MRI1: variants seen among roughly 807,000 people sequenced by gnomAD.
MRI1 encodes the protein methylthioribose-1-phosphate isomerase 1.
In MRI1, 32 loss-of-function variants were observed where a neutral mutation model predicts 27.3. The ratio of observed to expected loss-of-function variants is 1.17; its 90% confidence interval spans 0.88 to 1.57. The LOEUF is 1.57. MRI1 is among the 40% of genes most tolerant of loss of function. MRI1 has a pLI of 0.00. For missense variants in MRI1, 508 were observed against 516.1 expected (o/e 0.98, Z 0.15); for synonymous variants, 216 against 227.4 (o/e 0.95, Z 0.45).
In MRI1 at chr19:13,764,579, CT is replaced by C. The variant is rs753681245; in HGVS notation, c.-9del. ...TCCCTCTGAGTTGCGCTGGGCTTGG[CT>C]GCTGCACCATGACCCTGGAGGCGAT... On this transcript the variant is annotated 5_prime_UTR_variant, in exon 1 of 6. Transcript: ENST00000040663. 5.6e-6 allele frequency: 9 copies of C among 1,606,660 alleles called. No individual in the cohort carries two copies. Among genetic ancestry groups the C allele is most frequent in the Non-Finnish European group, 7.6e-6 (9 of 1,177,878 alleles).
At position 13,766,123 on chromosome 19, in the gene MRI1, G is replaced by A; in HGVS notation, c.541G>A (p.Ala181Thr). 6.4e-7 allele frequency: 1 copy of A among 1,552,188 alleles called. No individual in the cohort carries two copies. Among genetic ancestry groups the A allele is most frequent in the Non-Finnish European group, 8.7e-7 (1 of 1,146,294 alleles). ...TCTGGCCACCGCTGGCTATGGTACA[G>A]CCCTAGGTGAGAGGGCCTCCTCAGG... ...GALATAGYGT[A>T]LGVIRSLHSL... Residue 181 changes from alanine (A) to threonine (T), a missense_variant, in exon 3 of 6, where the codon GCC (alanine) becomes ACC (threonine). Transcript: ENST00000040663.
intron 5 of MRI1, among the ~76,000 whole-genome samples, chr19:13,770,798 G>T (rs891273999): frequency 9.2e-5 from 14 of 152,084 alleles, no homozygotes; most frequent in African/African-American, 3.1e-4. Flanking sequence ...CAGGAGAATT[G>T]CTTGAACCCG....
chr19:13,769,020 T>C lies in MRI1; in HGVS notation c.921T>C (p.Asp307=). ...IEERPGQELT[D]VNGVRIAAPG... is the part of the protein sequence containing the mutation. ...AGCGACCGGGCCAGGAGCTGACCGA[T>C]GTTAATGGGGTCCGGATTGCAGCAC... is the stretch of plus-strand genomic sequence containing the variant. Residue 307 remains aspartate (D), a synonymous_variant, in exon 5 of 6, where the codon GAT becomes GAC. Transcript: ENST00000040663. 1.9e-6 allele frequency: 3 copies of C among 1,613,146 alleles called. No individual in the cohort carries two copies. Among genetic ancestry groups the C allele is most frequent in the Non-Finnish European group, 2.5e-6 (3 of 1,179,566 alleles).
Position 13,772,242 on chromosome 19 carries a change from C to G in MRI1, c.1071C>G (p.Ile357Met). The change falls in exon 6 of 6, where the codon ATC (isoleucine) becomes ATG (methionine). Residue 357 changes from isoleucine to methionine, a missense_variant. Transcript: ENST00000040663. ...TCCGGACAGCCCTAACCACCACCAT[C>G]TCTTCCAGGGATGGAACCCTAGATG... is the stretch of plus-strand genomic sequence containing the variant. Reference protein sequence around the residue: ...EELRTALTTTISSRDGTLDGP... With the variant: ...EELRTALTTTMSSRDGTLDGP... 1 of 1,614,094 alleles carries G rather than the reference C, an allele frequency of 6.2e-7. No individual in the cohort carries two copies. The highest frequency in any genetic ancestry group is 8.5e-7 in the Non-Finnish European group (1 of 1,180,002).
chr19:13,765,756 C>G (rs981170704), intron 2 of MRI1, among the ~76,000 whole-genome samples, 198 bp from the exon 3 acceptor site: 1 of 152,220 alleles, frequency 6.6e-6, no homozygotes, highest in Non-Finnish European at 1.5e-5. Flanking sequence ...TGGGTCATAC[C>G]GGAACTGCTT....
rs1465848317 is a variant in MRI1 at position 13,773,465 on chromosome 19, A to C, written c.*1184A>C. The stretch of plus-strand genomic sequence containing the variant: ...AACATAGGAAGAGCTTGTCTCTACA[A>C]ACAAAAATTTAAAAACAATGAGCTG... On this transcript the variant is annotated 3_prime_UTR_variant, in exon 6 of 6. Transcript: ENST00000040663. 6.6e-6 allele frequency: 1 copy of C among 152,082 alleles called. No homozygotes were observed. The highest frequency in any genetic ancestry group is 2.4e-5 in the African/African-American group (1 of 41,422). The allele number at this position is 152,082 out of a possible 1,614,324, so 9.4% of individuals were successfully genotyped here.
At chr19:13,771,076 T>G (rs1165943023) in intron 5 of MRI1, among the ~76,000 whole-genome samples, 4 of 150,350 alleles carry the variant, frequency 2.7e-5, no homozygotes, top group African/African-American at 9.8e-5. Flanking sequence ...AAAATTGTTT[T>G]GCCAGGTGTG....
intron 3 of MRI1, among the ~76,000 whole-genome samples, chr19:13,767,025 ATATATATATATATTTTTTTTTT>A (rs1237763299): frequency 1.6e-3 from 22 of 13,714 alleles, no homozygotes; most frequent in African/African-American, 7.5e-3. Context: ...ATATATATAT[ATATATATATATATTTTTTTTTT>A]TTTTTTTTTT....
At chr19:13,765,876 C>A (rs1301559478) in intron 2 of MRI1, 78 bp from the exon 3 acceptor site, 16 of 1,465,746 alleles carry the variant, frequency 1.1e-5, no homozygotes, top group Non-Finnish European at 1.5e-5. Context: ...TCCAGGACAG[C>A]AGCGTTAGGC....
At position 13,766,963 on chromosome 19, in the gene MRI1, C is replaced by G. The variant is rs576784971; in HGVS notation, c.547+834C>G. ...CCAAAATCCATGGATGCTCAAGTCTCTGATATAAAAATGCCATCATATTTG... is the reference window on the plus strand; with the variant it reads ...CCAAAATCCATGGATGCTCAAGTCTGTGATATAAAAATGCCATCATATTTG... On this transcript the variant is annotated intron_variant, in intron 3 of 5. Coordinates refer to ENST00000040663, the MANE Select transcript of MRI1 (RefSeq NM_001031727.4). Among the ~76,000 whole-genome samples, 621 of 143,584 alleles carry G rather than the reference C, an allele frequency of 4.3e-3. 2 individuals carry two copies. The highest frequency in any genetic ancestry group is 0.015 in the African/African-American group (594 of 39,344). 94.2% of individuals were successfully genotyped at this position (143,584 alleles called of 152,430 possible).
intron 3 of MRI1, among the ~76,000 whole-genome samples, chr19:13,767,641 C>CAAAAA (rs112485118): frequency 1.3e-5 from 2 of 150,928 alleles, no homozygotes; most frequent in African/African-American, 4.9e-5. Flanking sequence ...CCCATCTCTA[C>CAAAAA]AAAAAATACT....
At chr19:13,765,134 G>T in intron 2 of MRI1, 25 bp downstream of exon 2, 1 of 1,492,782 alleles carries the variant, frequency 6.7e-7, no homozygotes, top group South Asian at 1.3e-5. Context: ...TACCAGGCAC[G>T]GCGCTGAGCA....
rs775420759 is a variant in MRI1 at position 13,768,675 on chromosome 19, T to A, written c.662T>A (p.Ile221Asn). ...LTAFELVYEQIPATLITDSMV... is the reference protein window; with the variant it reads ...LTAFELVYEQNPATLITDSMV... ...GCCTTTGAGCTGGTCTATGAGCAGATCCCCGCCACCCTTATCACCGACAGC... is the reference window on the plus strand; with the variant it reads ...GCCTTTGAGCTGGTCTATGAGCAGAACCCCGCCACCCTTATCACCGACAGC... The change falls in exon 4 of 6, where the codon ATC (isoleucine) becomes AAC (asparagine). Residue 221 changes from isoleucine to asparagine, a missense_variant. By Grantham distance (149) the Ile-to-Asn change is moderately radical (BLOSUM62 -3). Transcript: ENST00000040663. 36 of 1,613,790 alleles carry A rather than the reference T, an allele frequency of 2.2e-5. No homozygotes were observed. The highest frequency in any genetic ancestry group is 3.1e-5 in the Non-Finnish European group (36 of 1,179,998).
At chr19:13,771,112 CT>C (rs1974259261) in intron 5 of MRI1, among the ~76,000 whole-genome samples, 1 of 151,372 alleles carries the variant, frequency 6.6e-6, no homozygotes, top group Admixed American at 6.6e-5. Context: ...AACCCCAGCA[CT>C]TTGGGAGGCT....
At chr19:13,771,383 C>T (rs989721876) in intron 5 of MRI1, among the ~76,000 whole-genome samples, 2 of 151,298 alleles carry the variant, frequency 1.3e-5, no homozygotes, top group African/African-American at 4.9e-5. Context: ...AACAAAAAAA[C>T]AGCTAGACAT....
rs1599559244 is a variant in MRI1, at chr19:13,772,333, G to A, written c.*52G>A. The A allele has an allele frequency of 1.3e-6, 2 of 1,557,688 alleles. No individual in the cohort carries two copies. The highest frequency in any genetic ancestry group is 2.7e-5 in the African/African-American group (2 of 73,176). On this transcript the variant is annotated 3_prime_UTR_variant, in exon 6 of 6. Coordinates refer to ENST00000040663, the MANE Select transcript of MRI1 (RefSeq NM_001031727.4). ...CTCTAGGTTTTTCAATACATTTCTT[G>A]AATGGCTACCCAAAAGCTGACCGTC...
Position 13,768,723 on chromosome 19 carries a change from A to T in MRI1, c.710A>T (p.His237Leu). ...AGCATGGTGGCTGCTGCCATGGCCC[A>T]TAGGGGCGTGTCAGGTAAGCAGACG... ...TDSMVAAAMA[H>L]RGVSAVVVGA... The change falls in exon 4 of 6, where the codon CAT (histidine) becomes CTT (leucine). Residue 237 changes from histidine (H) to leucine (L), a missense_variant. By Grantham distance (99) the His-to-Leu change is moderately conservative. Coordinates refer to ENST00000040663, the MANE Select transcript of MRI1 (RefSeq NM_001031727.4). 1 of 1,613,356 alleles carries T rather than the reference A, an allele frequency of 6.2e-7. No homozygotes were observed. Among genetic ancestry groups the T allele is most frequent in the Non-Finnish European group, 8.5e-7 (1 of 1,179,718 alleles).
In MRI1 at chr19:13,765,870, G is replaced by C. The variant is rs961813997; in HGVS notation, c.372-84G>C. ...AGAGGCTTTGAGCAGGAGGGCTCCA[G>C]GACAGCAGCGTTAGGCAGAGAGGAG... On this transcript the variant is annotated intron_variant, in intron 2 of 5. Coordinates refer to ENST00000040663, the MANE Select transcript of MRI1 (RefSeq NM_001031727.4). The C allele has an allele frequency of 4.9e-5, 71 of 1,456,116 alleles. No homozygotes were observed. The Admixed American group carries it at 1.5e-3, about 32-fold the overall frequency. The allele number at this position is 1,456,116 out of a possible 1,614,324, so 90.2% of individuals were successfully genotyped here.
At position 13,772,781 on chromosome 19, in the gene MRI1, T is replaced by G. The variant is rs976432989; in HGVS notation, c.*500T>G. The G allele has an allele frequency of 6.6e-6, 1 of 152,082 alleles. No homozygotes were observed. The highest frequency in any genetic ancestry group is 1.9e-4 in the East Asian group (1 of 5,192). The allele number at this position is 152,082 out of a possible 1,614,324, so 9.4% of individuals were successfully genotyped here. On this transcript the variant is annotated 3_prime_UTR_variant, in exon 6 of 6. Transcript: ENST00000040663. ...AGGCAGAGCTTGCAGTGAGCCGAGA[T>G]AGCGCCACTGCACTCCAGCCTGGGC...
Sources: allele counts gnomAD v4.1 joint callset (sites outside exome capture counted in the v4.1 genomes callset), GRCh38; gene constraint gnomAD v4.1.1; transcripts MANE v1.5; gene names NCBI Gene and HGNC (gene_info 2026-07-23, HGNC 2026-07-21).